CACNA2D1: variants seen among roughly 807,000 people sequenced by gnomAD.
The protein encoded by CACNA2D1 is voltage-dependent calcium channel subunit alpha-2/delta-1.
CACNA2D1 carries 53 observed loss-of-function variants against 171.5 expected under a neutral mutation model. The ratio of observed to expected loss-of-function variants is 0.31; its 90% CI spans 0.25 to 0.39. CACNA2D1 has a LOEUF of 0.39. Among genes scored for constraint, CACNA2D1 ranks in the 10% least tolerant of loss-of-function variants. The pLI is 1.00. For missense variants in CACNA2D1, 903 were observed against 1,299.8 expected (o/e 0.69, Z 4.69); for synonymous variants, 442 against 443.1 (o/e 1.00, Z 0.03).
At chr7:81,987,529 C>T (rs1213734248) in intron 21 of CACNA2D1, among the ~76,000 whole-genome samples, 1 of 152,126 alleles carries the variant, frequency 6.6e-6, no homozygotes, top group Admixed American at 6.6e-5. Context: ...TAATTTATTA[C>T]ATTTCAAAAT....
intron 3 of CACNA2D1, among the ~76,000 whole-genome samples, chr7:82,203,618 T>C (rs1333753522): frequency 6.6e-6 from 1 of 152,148 alleles, no homozygotes; most frequent in South Asian, 2.1e-4. Context: ...GGGTAGTTGA[T>C]CCAGGGCACC....
intron 38 of CACNA2D1, among the ~76,000 whole-genome samples, chr7:81,954,928 C>T (rs912729991): frequency 1.3e-5 from 2 of 151,006 alleles, no homozygotes; most frequent in East Asian, 3.9e-4. Flanking sequence ...CACTCTTACA[C>T]ATTAACTCGT....
chr7:81,988,829 G>C (rs1255966375), intron 21 of CACNA2D1, among the ~76,000 whole-genome samples: 1 of 152,136 alleles, frequency 6.6e-6, no homozygotes, highest in Non-Finnish European at 1.5e-5. Flanking sequence ...ATAAAGCAGG[G>C]AACAATCCCT....
At chr7:82,315,998 T>C (rs1392648368) in intron 3 of CACNA2D1, among the ~76,000 whole-genome samples, 1 of 151,940 alleles carries the variant, frequency 6.6e-6, no homozygotes, top group Non-Finnish European at 1.5e-5. Context: ...CTTTAAAGTA[T>C]GGGAATTCTA....
At chr7:82,227,992 T>A (rs1207176590) in intron 3 of CACNA2D1, among the ~76,000 whole-genome samples, 1 of 151,956 alleles carries the variant, frequency 6.6e-6, no homozygotes. Context: ...TTTATAACAA[T>A]CCCCTACCCT....
intron 5 of CACNA2D1, among the ~76,000 whole-genome samples, chr7:82,120,646 G>A (rs1035030064): frequency 2.6e-5 from 4 of 152,076 alleles, no homozygotes; most frequent in Non-Finnish European, 5.9e-5. Context: ...GGAGGCCAAG[G>A]CAGGTGGATC....
intron 15 of CACNA2D1, among the ~76,000 whole-genome samples, chr7:82,009,476 G>A (rs535490604): frequency 1.2e-4 from 18 of 152,088 alleles, no homozygotes; most frequent in East Asian, 9.7e-4. Flanking sequence ...AGATTAATTC[G>A]TAAAACTGGT....
At chr7:82,043,166 G>A (rs1291382412) in intron 10 of CACNA2D1, among the ~76,000 whole-genome samples, 1 of 152,092 alleles carries the variant, frequency 6.6e-6, no homozygotes, top group Non-Finnish European at 1.5e-5. Flanking sequence ...CAATAATCAA[G>A]CTATAGATTT....
chr7:82,134,073 G>A (rs1161348929), intron 5 of CACNA2D1, among the ~76,000 whole-genome samples: 5 of 149,548 alleles, frequency 3.3e-5, no homozygotes, highest in South Asian at 4.2e-4. Flanking sequence ...AGTCTGTCTC[G>A]GAAAAAAAAA....
intron 1 of CACNA2D1, among the ~76,000 whole-genome samples, chr7:82,424,454 T>A (rs1187865151): frequency 6.6e-6 from 1 of 152,210 alleles, no homozygotes; most frequent in East Asian, 1.9e-4. Context: ...TTAGAGGACA[T>A]TACCATTACA....
intron 12 of CACNA2D1, among the ~76,000 whole-genome samples, chr7:82,020,444 T>C (rs182233137): frequency 2.4e-4 from 37 of 152,264 alleles, no homozygotes; most frequent in Non-Finnish European, 3.8e-4. Flanking sequence ...GATGATATTA[T>C]TATTATATAA....
At chr7:82,132,117 C>G (rs1308771207) in intron 5 of CACNA2D1, among the ~76,000 whole-genome samples, 2 of 152,072 alleles carry the variant, frequency 1.3e-5, no homozygotes, top group Non-Finnish European at 2.9e-5. Context: ...ACAATTTGAT[C>G]ATTAGTTATC....
chr7:82,381,784 A>G (rs1337464025), intron 1 of CACNA2D1, among the ~76,000 whole-genome samples: 1 of 152,094 alleles, frequency 6.6e-6, no homozygotes, highest in Non-Finnish European at 1.5e-5. Context: ...CTGGTAGAAA[A>G]CTCAAGAATA....
At chr7:82,179,217 T>C (rs548641079) in intron 3 of CACNA2D1, among the ~76,000 whole-genome samples, 1 of 152,000 alleles carries the variant, frequency 6.6e-6, no homozygotes, top group African/African-American at 2.4e-5. Flanking sequence ...GAATTTTAGA[T>C]TCTAAAATTC....
intron 1 of CACNA2D1, among the ~76,000 whole-genome samples, chr7:82,401,549 A>G (rs1826414465): frequency 7.7e-6 from 1 of 129,272 alleles, no homozygotes; most frequent in South Asian, 2.9e-4. Flanking sequence ...CACTCTGGAG[A>G]CTGTTGTGGG....
intron 3 of CACNA2D1, among the ~76,000 whole-genome samples, chr7:82,314,055 T>C (rs1585450074): frequency 6.6e-6 from 1 of 152,304 alleles, no homozygotes; most frequent in South Asian, 2.1e-4. Context: ...TATATACCTT[T>C]CTAAAAGAAT....
chr7:81,963,480 G>C lies in CACNA2D1; in HGVS notation c.2780+576C>G, dbSNP rs993850. On this transcript the variant is annotated intron_variant, in intron 34 of 38. Coordinates refer to ENST00000356860, the MANE Select transcript of CACNA2D1 (RefSeq NM_000722.4). ...CCAGACCTTCCACAGTGCCACAATT[G>C]ACCATTTAAATGTCTTATTTTCATA... 8.6e-3 allele frequency among the ~76,000 whole-genome samples: 1,307 copies of C among 151,998 alleles called. 25 individuals carry two copies. The highest frequency in any genetic ancestry group is 0.03 in the African/African-American group (1,237 of 41,506).
chr7:82,378,015 T>A (rs1823218751), intron 1 of CACNA2D1, among the ~76,000 whole-genome samples: 1 of 152,212 alleles, frequency 6.6e-6, no homozygotes, highest in South Asian at 2.1e-4. Flanking sequence ...TAAATTTGTA[T>A]TTTCTTTCCT....
intron 12 of CACNA2D1, among the ~76,000 whole-genome samples, chr7:82,025,362 T>G (rs1345823578): frequency 6.6e-6 from 1 of 151,676 alleles, no homozygotes; most frequent in Non-Finnish European, 1.5e-5. Flanking sequence ...TTTGTTAAGT[T>G]CGCCTCCTTT....
Sources: gnomAD v4.1 joint callset for allele counts (sites outside exome capture counted in the v4.1 genomes callset) on GRCh38, gnomAD v4.1.1 for gene constraint, MANE v1.5 for transcripts, NCBI Gene and HGNC (gene_info 2026-07-23, HGNC 2026-07-21) for gene names.